Variants in NCKAP5 observed in about 807,000 individuals in gnomAD.
NCKAP5 encodes the protein NCK associated protein 5.
NCKAP5 carries 92 observed loss-of-function variants against 167.0 expected under a neutral mutation model. The observed-to-expected ratio is 0.55, with a 90% confidence interval of 0.47 to 0.66. NCKAP5 has a LOEUF of 0.66. Among genes scored for constraint, NCKAP5 ranks in the 30% least tolerant of loss-of-function variants. NCKAP5 has a pLI of 0.00. For synonymous variants in NCKAP5, 891 were observed against 877.4 expected (o/e 1.02, Z -0.27); for missense variants, 2,378 against 2,315.0 (o/e 1.03, Z -0.56).
At chr2:133,189,055 A>C (rs1298791416) in intron 5 of NCKAP5, among the ~76,000 whole-genome samples, 2 of 152,182 alleles carry the variant, frequency 1.3e-5, no homozygotes, top group Non-Finnish European at 2.9e-5. Flanking sequence ...AATAAAGAAG[A>C]AAAGAGAGAA....
intron 8 of NCKAP5, among the ~76,000 whole-genome samples, chr2:132,940,648 T>C (rs1462103676): frequency 2.6e-5 from 4 of 152,172 alleles, no homozygotes; most frequent in Non-Finnish European, 5.9e-5. Context: ...GTAGGAATCA[T>C]TGTAGGTATC....
intron 16 of NCKAP5, among the ~76,000 whole-genome samples, chr2:132,739,382 A>C (rs1691813145): frequency 6.6e-6 from 1 of 152,224 alleles, no homozygotes; most frequent in African/African-American, 2.4e-5. Context: ...ATATTCAGAT[A>C]AATGAAGTGA....
At chr2:133,536,796 T>A (rs1341239478) in intron 2 of NCKAP5, among the ~76,000 whole-genome samples, 2 of 151,160 alleles carry the variant, frequency 1.3e-5, no homozygotes, top group African/African-American at 2.4e-5. Context: ...TTGAGGCACA[T>A]TTTTTTTTAA....
At chr2:133,268,875 T>C (rs1354024134) in intron 4 of NCKAP5, 2 of 152,198 alleles carry the variant, frequency 1.3e-5, no homozygotes, top group East Asian at 3.8e-4. Context: ...ATTAACATGG[T>C]GCCAAGAAAT....
chr2:133,251,861 C>A (rs1185467560), intron 4 of NCKAP5, among the ~76,000 whole-genome samples: 1 of 152,138 alleles, frequency 6.6e-6, no homozygotes, highest in Non-Finnish European at 1.5e-5. Flanking sequence ...CAGACACAAT[C>A]CAAATGCATA....
intron 8 of NCKAP5, among the ~76,000 whole-genome samples, chr2:132,944,952 T>C (rs1574721818): frequency 6.6e-6 from 1 of 152,266 alleles, no homozygotes; most frequent in East Asian, 1.9e-4. Flanking sequence ...AGAGAGGCTC[T>C]TTGGATTCCA....
At chr2:132,722,340 G>A (rs1690004212) in intron 19 of NCKAP5, among the ~76,000 whole-genome samples, 1 of 152,166 alleles carries the variant, frequency 6.6e-6, no homozygotes, top group Non-Finnish European at 1.5e-5. Flanking sequence ...GAAGGGGTAG[G>A]ACAGAACTGA....
intron 3 of NCKAP5, among the ~76,000 whole-genome samples, chr2:133,445,544 C>T (rs761725815): frequency 3.3e-5 from 5 of 152,166 alleles, no homozygotes; most frequent in Non-Finnish European, 7.3e-5. Context: ...CTTTACAGAG[C>T]ATGTAGACGT....
At chr2:132,677,794 G>A (rs189414936) in intron 19 of NCKAP5, among the ~76,000 whole-genome samples, 38 of 152,108 alleles carry the variant, frequency 2.5e-4, no homozygotes, top group Admixed American at 2.0e-3. Flanking sequence ...GTATCAGCCC[G>A]TACATGGGTT....
At chr2:133,473,993 G>A (rs1281279304) in intron 3 of NCKAP5, among the ~76,000 whole-genome samples, 3 of 152,162 alleles carry the variant, frequency 2.0e-5, no homozygotes, top group African/African-American at 7.2e-5. Context: ...AAATTAGTAT[G>A]AAAGAAAGTG....
intron 6 of NCKAP5, among the ~76,000 whole-genome samples, chr2:133,005,428 C>T (rs2077931188): frequency 6.6e-6 from 1 of 152,228 alleles, no homozygotes; most frequent in Non-Finnish European, 1.5e-5. Context: ...TTTATTAATA[C>T]ATAGTCAATA....
At chr2:132,759,296 T>C (rs1443134823) in intron 16 of NCKAP5, among the ~76,000 whole-genome samples, 1 of 152,220 alleles carries the variant, frequency 6.6e-6, no homozygotes, top group African/African-American at 2.4e-5. Flanking sequence ...ATGATGACAA[T>C]GTTACCACAA....
At chr2:132,811,969 A>C (rs891933721) in intron 11 of NCKAP5, among the ~76,000 whole-genome samples, 1 of 152,112 alleles carries the variant, frequency 6.6e-6, no homozygotes, top group Admixed American at 6.5e-5. Flanking sequence ...CTACCCATGT[A>C]TTTCACTCAG....
At chr2:133,299,228 C>T (rs1217516602) in intron 4 of NCKAP5, among the ~76,000 whole-genome samples, 1 of 152,008 alleles carries the variant, frequency 6.6e-6, no homozygotes, top group Non-Finnish European at 1.5e-5. Context: ...CAAATTAAAA[C>T]ATATAGCACT....
At chr2:132,822,264 A>G (rs1225405345) in intron 11 of NCKAP5, among the ~76,000 whole-genome samples, 1 of 152,264 alleles carries the variant, frequency 6.6e-6, no homozygotes, top group African/African-American at 2.4e-5. Flanking sequence ...AAGCCAGCAC[A>G]TTGAACATAC....
At chr2:132,965,785 G>C (rs908293238) in intron 7 of NCKAP5, among the ~76,000 whole-genome samples, 1 of 152,092 alleles carries the variant, frequency 6.6e-6, no homozygotes, top group Non-Finnish European at 1.5e-5. Context: ...GTAGGCAACT[G>C]TAACACAATG....
chr2:133,615,123 C>T, the NCKAP5 span, among the ~76,000 whole-genome samples: 3 of 151,674 alleles, frequency 2.0e-5, no homozygotes, highest in Non-Finnish European at 2.9e-5. Flanking sequence ...ACCACCAGGC[C>T]TGCCCTAAAA....
intron 16 of NCKAP5, among the ~76,000 whole-genome samples, chr2:132,754,032 A>C (rs1680330488): frequency 6.6e-6 from 1 of 152,210 alleles, no homozygotes; most frequent in Non-Finnish European, 1.5e-5. Context: ...GCTAAGCTAA[A>C]GTTGTAGCCA....
Position 133,331,017 on chromosome 2 carries a change from A to G in NCKAP5, c.70-27907T>C, listed in dbSNP as rs60668545. 7.4e-3 allele frequency among the ~76,000 whole-genome samples: 1,121 copies of G among 152,280 alleles called. 17 individuals are homozygous for G. The highest frequency in any genetic ancestry group is 0.024 in the African/African-American group (985 of 41,560). ...TGTACCATGTGCTATTATTATTCTTATTTCACAGATCAAAAAATGAGCAAA... is the reference window on the plus strand; with the variant it reads ...TGTACCATGTGCTATTATTATTCTTGTTTCACAGATCAAAAAATGAGCAAA... On this transcript the variant is annotated intron_variant, in intron 3 of 19. Coordinates refer to ENST00000409261, the MANE Select transcript of NCKAP5 (RefSeq NM_207363.3).
Sources: gnomAD v4.1 joint callset for allele counts (sites outside exome capture counted in the v4.1 genomes callset) on GRCh38, gnomAD v4.1.1 for gene constraint, MANE v1.5 for transcripts, NCBI Gene and HGNC (gene_info 2026-07-23, HGNC 2026-07-21) for gene names.